DEAF1: variants seen among roughly 807,000 people sequenced by gnomAD.
DEAF1 encodes the protein deformed epidermal autoregulatory factor 1 homolog.
Under a neutral mutation model 58.9 loss-of-function variants are expected in DEAF1, and 53 were observed. The ratio of observed to expected loss-of-function variants is 0.90; its 90% CI spans 0.72 to 1.13. The LOEUF (loss-of-function observed/expected upper bound fraction) is 1.13, where lower values mean the gene tolerates loss of function less well. Ranked by LOEUF, DEAF1 falls within the 50% of genes most tolerant of loss-of-function variation. The pLI is 0.00. For synonymous variants in DEAF1, 385 were observed against 340.4 expected, an observed-to-expected ratio of 1.13 and a Z score of -1.44; for missense variants, 685 against 791.4, an observed-to-expected ratio of 0.87 and a Z score of 1.61.
chr11:694,898 C>A lies in DEAF1; in HGVS notation c.150G>T (p.Glu50Asp). The A allele has an allele frequency of 6.7e-7, 1 of 1,498,554 alleles. No homozygotes were observed. Among genetic ancestry groups the A allele is most frequent in the Non-Finnish European group, 8.9e-7 (1 of 1,128,194 alleles). 92.8% of individuals were successfully genotyped at this position (1,498,554 alleles called of 1,614,324 possible). A position where few individuals can be genotyped will look rare whatever the true frequency, so the allele number is the denominator to read the frequency against. Residue 50 changes from glutamate to aspartate, a missense_variant, in exon 1 of 12, where the codon GAG (glutamate) becomes GAT (aspartate). Around this residue, in one of 3 missense-constraint regions of DEAF1, gnomAD observed 210 missense variants for 177.3 expected, o/e 1.18. Coordinates refer to ENST00000382409, the MANE Select transcript of DEAF1 (RefSeq NM_021008.4). ...CCCGCTCCGCCTCCGAGTCTGCGTC[C>A]TCCTCCGAGTCCTCGTCCCTGCTCA... ...PVLSRDEDSE[E>D]DADSEAERET... is the part of the protein sequence containing the mutation.
At chr11:662,203 C>T (rs1363149781) in intron 10 of DEAF1, among the ~76,000 whole-genome samples, 2 of 152,098 alleles carry the variant, frequency 1.3e-5, no homozygotes, top group African/African-American at 2.4e-5. Flanking sequence ...CGCTTGATCC[C>T]GGGAGGCAGA....
intron 11 of DEAF1, among the ~76,000 whole-genome samples, chr11:651,702 C>T (rs1858779855): frequency 6.6e-6 from 1 of 152,068 alleles, no homozygotes. Context: ...CTGGCTAACA[C>T]AGTGAAACCC....
At chr11:651,694 G>T (rs1409098093) in intron 11 of DEAF1, among the ~76,000 whole-genome samples, 3 of 152,160 alleles carry the variant, frequency 2.0e-5, no homozygotes, top group Non-Finnish European at 4.4e-5. Flanking sequence ...AGACCATCCT[G>T]GCTAACACAG....
intron 1 of DEAF1, among the ~76,000 whole-genome samples, chr11:702,141 A>G (rs1861525559): frequency 6.6e-6 from 1 of 151,598 alleles, no homozygotes. Flanking sequence ...GGTGGCCCCC[A>G]CCCTTCCTCT....
rs189222007 is a variant in DEAF1 at position 656,674 on chromosome 11, C to T, written c.1504-2623G>A. Among the ~76,000 whole-genome samples the T allele has an allele frequency of 1.1e-4, 17 of 152,298 alleles. No homozygotes were observed. In the East Asian group the frequency reaches 2.3e-3, roughly 21 times the overall value. The stretch of plus-strand genomic sequence containing the variant: ...AGCGGCCCCCACGCTGAGAAGGGCA[C>T]GGGTCTCCGTGTCCAGCAGTCCCTG... On this transcript the variant is annotated intron_variant, in intron 10 of 11. Transcript: ENST00000382409.
Position 644,667 on chromosome 11 carries a change from A to G in DEAF1, c.1594-13T>C. ...GATCCTTCCAGTCCTGGAAGGGAGG[A>G]CACACCCATGTCAGCAGGGTCAGTG... is the stretch of plus-strand genomic sequence containing the variant. On this transcript the variant is annotated splice_polypyrimidine_tract_variant and intron_variant, in intron 11 of 11. Coordinates refer to ENST00000382409, the MANE Select transcript of DEAF1 (RefSeq NM_021008.4). This position sits in a 1 kb window ranked among gnomAD's most constrained non-coding sequence, Gnocchi z 4.3. 2 of 1,597,746 alleles carry G rather than the reference A, an allele frequency of 1.3e-6. No individual in the cohort carries two copies. Among genetic ancestry groups the G allele is most frequent in the African/African-American group, 1.3e-5 (1 of 74,788 alleles).
At chr11:685,682 G>A (rs1007783096) in intron 5 of DEAF1, among the ~76,000 whole-genome samples, 4 of 151,888 alleles carry the variant, frequency 2.6e-5, no homozygotes, top group South Asian at 2.1e-4. Context: ...GCAACAGAGG[G>A]AGGCCTTTGC....
At chr11:703,598 G>A in intron 1 of DEAF1, 2 of 1,233,042 alleles carry the variant, frequency 1.6e-6, no homozygotes, top group African/African-American at 1.5e-5. Context: ...TTTACTCCGT[G>A]GCCAGGCCCC....
chr11:648,174 T>C (rs1004308603), intron 11 of DEAF1, among the ~76,000 whole-genome samples: 1 of 151,656 alleles, frequency 6.6e-6, no homozygotes, highest in Non-Finnish European at 1.5e-5. Context: ...CCTCTACAAT[T>C]AATTTTTAAA....
intron 10 of DEAF1, among the ~76,000 whole-genome samples, chr11:673,183 G>GA (rs527994704): frequency 4.6e-5 from 7 of 150,670 alleles, no homozygotes; most frequent in African/African-American, 9.7e-5. Context: ...AGCAGCAGCT[G>GA]AAAAAAAAAT....
rs1193542836 is a variant in DEAF1, at chr11:674,701, C to A, written c.1338G>T (p.Glu446Asp). 14 of 1,614,018 alleles carry A rather than the reference C, an allele frequency of 8.7e-6. No individual in the cohort carries two copies. In the South Asian group the frequency reaches 1.5e-4, roughly 18 times the overall value. The change falls in exon 10 of 12, where the codon GAG becomes GAT. Residue 446 changes from glutamate (E) to aspartate (D), a missense_variant. Around this residue, in one of 3 missense-constraint regions of DEAF1, gnomAD observed 343 missense variants for 379.8 expected, o/e 0.90. Coordinates refer to ENST00000382409, the MANE Select transcript of DEAF1 (RefSeq NM_021008.4). ...AAPPALVNGL[E>D]LSEPRSWLYL... Reference sequence around the variant, plus strand: ...ACAGCCAGCTCCGCGGCTCTGACAGCTCCAGCCCATTGACCAACGCGGGAG... The same window carrying A: ...ACAGCCAGCTCCGCGGCTCTGACAGATCCAGCCCATTGACCAACGCGGGAG...
chr11:696,666 T>C (rs562282179), upstream of DEAF1, among the ~76,000 whole-genome samples: 21 of 140,970 alleles, frequency 1.5e-4, no homozygotes, highest in Admixed American at 5.8e-4. Flanking sequence ...TTCTGGAGGC[T>C]GAGGCTGGCG....
chr11:678,926 A>AT, intron 8 of DEAF1, 104 bp from the exon 9 acceptor site: 1 of 1,485,166 alleles, frequency 6.7e-7, no homozygotes, highest in Non-Finnish European at 9.1e-7. Context: ...ATAGTAGCTT[A>AT]TGGCCACACG....
chr11:658,582 T>C (rs12273269), intron 10 of DEAF1, among the ~76,000 whole-genome samples: 2,785 of 152,380 alleles, frequency 0.018, 79 homozygotes, highest in African/African-American at 0.063. Context: ...GGACTGCGGA[T>C]GGCACAAAGG....
intron 10 of DEAF1, among the ~76,000 whole-genome samples, chr11:667,225 G>A (rs1859579757): frequency 6.6e-6 from 1 of 152,022 alleles, no homozygotes; most frequent in Non-Finnish European, 1.5e-5. Context: ...TGGAGGCTAA[G>A]GGAAGATCAC....
chr11:691,736 A>G (rs1448570957), intron 1 of DEAF1, 138 bp from the exon 2 acceptor site: 2 of 728,318 alleles, frequency 2.7e-6, no homozygotes, highest in Non-Finnish European at 4.9e-6. Context: ...TAACACTTCC[A>G]TGAACACGCT....
intron 10 of DEAF1, among the ~76,000 whole-genome samples, chr11:660,284 G>A (rs569723835): frequency 5.3e-5 from 8 of 152,318 alleles, no homozygotes; most frequent in South Asian, 2.1e-4. Flanking sequence ...AGAGTTTGCC[G>A]TTTCTATGAA....
chr11:646,897 CTG>C (rs1159202484), intron 11 of DEAF1, among the ~76,000 whole-genome samples: 2 of 152,158 alleles, frequency 1.3e-5, no homozygotes, highest in East Asian at 1.9e-4. Context: ...ACATCACAGA[CTG>C]TAAAAACAAT....
At chr11:689,980 C>CA (rs1391673162) in intron 2 of DEAF1, among the ~76,000 whole-genome samples, 1 of 151,812 alleles carries the variant, frequency 6.6e-6, no homozygotes, top group African/African-American at 2.4e-5. Flanking sequence ...AAACACAGAT[C>CA]GCCACGTGGC....
Sources: allele counts gnomAD v4.1 joint callset (sites outside exome capture counted in the v4.1 genomes callset), GRCh38; gene constraint gnomAD v4.1.1; regional missense constraint gnomAD v4.1.1; non-coding constraint Gnocchi (gnomAD v3.1); transcripts MANE v1.5; gene names NCBI Gene and HGNC (gene_info 2026-07-23, HGNC 2026-07-21).